Variants in PHF8 observed in about 807,000 individuals in gnomAD.
PHF8 encodes the protein histone lysine demethylase PHF8.
Under a neutral mutation model 74.4 loss-of-function variants are expected in PHF8, and 9 were observed. That is an observed-to-expected ratio of 0.12 (90% confidence interval 0.07 to 0.21). The LOEUF is 0.21. Ranked by LOEUF, PHF8 falls within the 10% of genes least tolerant of loss-of-function variation. PHF8 has a pLI of 1.00. For synonymous variants in PHF8, 311 were observed against 316.6 expected (o/e 0.98, Z 0.19); for missense variants, 478 against 816.6 (o/e 0.59, Z 5.05).
intron 2 of PHF8, among the ~76,000 whole-genome samples, chrX:54,038,326 T>C (rs1386938388): frequency 8.9e-6 from 1 of 112,432 alleles, no homozygotes; most frequent in African/African-American, 3.2e-5. Flanking sequence ...AATTTTTCTG[T>C]ACCAAAAAAA....
At chrX:53,964,148 C>T (rs926117735) in intron 18 of PHF8, among the ~76,000 whole-genome samples, 1 of 110,892 alleles carries the variant, frequency 9.0e-6, no homozygotes, top group Admixed American at 9.7e-5. Context: ...AAACCAAACA[C>T]CGCATATTCT....
At chrX:53,972,610 A>C (rs1165918867) in intron 18 of PHF8, among the ~76,000 whole-genome samples, 1 of 111,770 alleles carries the variant, frequency 8.9e-6, no homozygotes, top group East Asian at 2.8e-4. Context: ...TTCATGTTAA[A>C]AACTCTCAAT....
At chrX:54,026,353 C>CAAA (rs1192940345) in intron 2 of PHF8, among the ~76,000 whole-genome samples, 3 of 48,527 alleles carry the variant, frequency 6.2e-5, no homozygotes, top group Non-Finnish European at 3.8e-5. Context: ...GATTCCATCT[C>CAAA]AAAAAAAAAA....
At chrX:53,966,922 C>T (rs1424427927) in intron 18 of PHF8, among the ~76,000 whole-genome samples, 49 of 104,861 alleles carry the variant, frequency 4.7e-4, no homozygotes, top group South Asian at 8.6e-4. Context: ...TGCCCGGTCG[C>T]GACCCCGTCT....
intron 8 of PHF8, among the ~76,000 whole-genome samples, chrX:54,009,300 A>C (rs1453693475): frequency 8.9e-6 from 1 of 111,780 alleles, no homozygotes; most frequent in Non-Finnish European, 1.9e-5. Flanking sequence ...TACAATATTT[A>C]AGATGTATCT....
At chrX:54,021,594 G>A (rs1274112941) in intron 4 of PHF8, among the ~76,000 whole-genome samples, 6 of 100,884 alleles carry the variant, frequency 5.9e-5, no homozygotes, top group East Asian at 7.0e-4. Flanking sequence ...TCAGCCTCCC[G>A]AGTAGCTGGG....
intron 10 of PHF8, among the ~76,000 whole-genome samples, chrX:54,000,965 A>C (rs2065817220): frequency 8.8e-6 from 1 of 113,160 alleles, no homozygotes; most frequent in Non-Finnish European, 1.9e-5. Flanking sequence ...GCCATGTATT[A>C]TGCTGAGTAA....
Position 53,962,943 on chromosome X carries a change from C to T in PHF8, c.2444-4G>A. On this transcript the variant is annotated splice_region_variant and splice_polypyrimidine_tract_variant and intron_variant, in intron 18 of 21. Transcript: ENST00000338154. ...TCAGACTCCAGTGAAGGATAGACTG[C>T]AGGGAGAAGGGAAAACAGGGTAAAA... 2 of 1,108,158 alleles carry T rather than the reference C, an allele frequency of 1.8e-6. No individual in the cohort carries two copies. The highest frequency in any genetic ancestry group is 1.2e-6 in the Non-Finnish European group (1 of 801,253). 91.3% of individuals were successfully genotyped at this position (1,108,158 alleles called of 1,213,427 possible).
chrX:54,011,791 GATT>G, intron 7 of PHF8, among the ~76,000 whole-genome samples: 1 of 103,701 alleles, frequency 9.6e-6, no homozygotes, highest in Admixed American at 1.1e-4. Context: ...TATGTTATGT[GATT>G]ATCTTTTGGA....
intron 18 of PHF8, among the ~76,000 whole-genome samples, chrX:53,972,643 A>G (rs1474194072): frequency 1.8e-5 from 2 of 111,563 alleles, no homozygotes; most frequent in Non-Finnish European, 3.8e-5. Context: ...GAAGGAACAT[A>G]CCTCAAAATA....
At chrX:53,976,654 A>G (rs1466130540) in intron 18 of PHF8, among the ~76,000 whole-genome samples, 2 of 106,744 alleles carry the variant, frequency 1.9e-5, no homozygotes, top group African/African-American at 3.5e-5. Context: ...AGCCAGTGGC[A>G]TGCACCTGTA....
intron 18 of PHF8, among the ~76,000 whole-genome samples, chrX:53,964,736 G>A (rs782323231): frequency 4.2e-4 from 46 of 109,621 alleles, no homozygotes; most frequent in Admixed American, 2.0e-3. Flanking sequence ...GCGTGGTGGC[G>A]CGCACCTGTA....
upstream of PHF8, chrX:54,044,950 C>T (rs781971176): frequency 7.9e-6 from 8 of 1,008,894 alleles, no homozygotes; most frequent in South Asian, 1.4e-4. Context: ...GTTCTTCCCC[C>T]TGTGAAGGAA....
At chrX:53,973,683 T>C (rs2065329378) in intron 18 of PHF8, among the ~76,000 whole-genome samples, 1 of 111,441 alleles carries the variant, frequency 9.0e-6, no homozygotes, top group South Asian at 3.7e-4. Flanking sequence ...CCCCAAACTA[T>C]AAAAACCCTA....
intron 2 of PHF8, among the ~76,000 whole-genome samples, chrX:54,028,826 A>G (rs1400632365): frequency 2.7e-5 from 3 of 111,862 alleles, no homozygotes; most frequent in African/African-American, 9.7e-5. Context: ...TAGACGTTCT[A>G]GCATCAAGTT....
intron 18 of PHF8, among the ~76,000 whole-genome samples, chrX:53,964,194 G>A (rs1297429282): frequency 9.2e-6 from 1 of 108,783 alleles, no homozygotes; most frequent in East Asian, 2.9e-4. Flanking sequence ...GAGAACACAT[G>A]AAAACAGGGA....
At chrX:54,040,912 T>G (rs1164207048) in intron 2 of PHF8, among the ~76,000 whole-genome samples, 1 of 112,139 alleles carries the variant, frequency 8.9e-6, no homozygotes, top group African/African-American at 3.2e-5. Flanking sequence ...CCTCTAGGGT[T>G]GTCCCCTCTT....
intron 8 of PHF8, among the ~76,000 whole-genome samples, chrX:54,005,224 T>C (rs2065879963): frequency 9.1e-6 from 1 of 110,264 alleles, no homozygotes; most frequent in Non-Finnish European, 1.9e-5. Flanking sequence ...TCCCAGCACT[T>C]TGGGAGGCCA....
chrX:53,992,052 A>G (rs1288225351), intron 14 of PHF8, among the ~76,000 whole-genome samples: 2 of 112,115 alleles, frequency 1.8e-5, no homozygotes, highest in Non-Finnish European at 3.8e-5. Flanking sequence ...AAAAATACAA[A>G]TGTCTATATA....
Sources: allele counts gnomAD v4.1 joint callset (sites outside exome capture counted in the v4.1 genomes callset), GRCh38; gene constraint gnomAD v4.1.1; transcripts MANE v1.5; gene names NCBI Gene and HGNC (gene_info 2026-07-23, HGNC 2026-07-21).